Variants in GTF2IRD2B observed in about 807,000 individuals in gnomAD.
GTF2IRD2B encodes the protein GTF2I repeat domain containing 2B, also known as general transcription factor II-I repeat domain-containing protein 2B.
A neutral mutation model predicts 55.6 loss-of-function variants in GTF2IRD2B; 10 were observed. That is an observed-to-expected ratio of 0.18 (90% CI 0.11 to 0.31). The LOEUF (loss-of-function observed/expected upper bound fraction) is 0.31, where lower values mean the gene tolerates loss of function less well. Among genes scored for constraint, GTF2IRD2B ranks in the 10% least tolerant of loss-of-function variants. The probability of loss-of-function intolerance (pLI) is 1.00; values close to 1 mark genes in which losing one functional copy is unlikely to be tolerated. For missense variants in GTF2IRD2B, 206 were observed against 802.7 expected (o/e 0.26, Z 8.98); for synonymous variants, 107 against 320.5 (o/e 0.33, Z 7.12).
intron 3 of GTF2IRD2B, among the ~76,000 whole-genome samples, chr7:75,117,298 G>A (rs1206653110): frequency 4.6e-5 from 7 of 151,960 alleles, no homozygotes; most frequent in South Asian, 2.1e-4. Context: ...TTGGGAGTTC[G>A]AGACCAGCCT....
At chr7:75,101,437 T>C (rs781907077) in intron 1 of GTF2IRD2B, among the ~76,000 whole-genome samples, 4 of 150,180 alleles carry the variant, frequency 2.7e-5, no homozygotes, top group South Asian at 2.1e-4. Flanking sequence ...TCGTGGCACA[T>C]GCCTGTCATC....
chr7:75,130,091 C>CTCTTTCTTTCCTTCTT (rs1808617494), intron 8 of GTF2IRD2B, among the ~76,000 whole-genome samples: 4 of 77,602 alleles, frequency 5.2e-5, no homozygotes, highest in African/African-American at 1.9e-4. Flanking sequence ...AATTTATTTT[C>CTCTTTCTTTCCTTCTT]TCTTTCTTTC....
Position 75,123,124 on chromosome 7 carries a change from G to A in GTF2IRD2B, c.359-12G>A, listed in dbSNP as rs1255353375. The A allele has an allele frequency of 1.9e-5, 29 of 1,539,690 alleles. No homozygotes were observed. The highest frequency in any genetic ancestry group is 1.8e-4 in the Admixed American group (8 of 45,048). ...GTTCACACCATCCAAAGACGTTTGC[G>A]TCTTCTTGTAGGTAAAGCCTTAGGG... On this transcript the variant is annotated splice_polypyrimidine_tract_variant and intron_variant, in intron 4 of 15. Transcript: ENST00000472837.
chr7:75,123,801 C>A, intron 6 of GTF2IRD2B: 1 of 426,424 alleles, frequency 2.3e-6, no homozygotes, highest in South Asian at 2.0e-5. Flanking sequence ...TGGCGTGAAC[C>A]CGGGAGGTGG....
intron 4 of GTF2IRD2B, among the ~76,000 whole-genome samples, chr7:75,121,795 C>T (rs1424200361): frequency 1.5e-5 from 2 of 135,604 alleles, no homozygotes; most frequent in East Asian, 4.4e-4. Flanking sequence ...GAGTCTCGCT[C>T]TGTTGCCCGG....
intron 6 of GTF2IRD2B, chr7:75,123,933 C>T (rs118041833): frequency 0.06 from 19,379 of 321,730 alleles, 1,121 homozygotes; most frequent in South Asian, 0.076. Context: ...GAGGACGGGC[C>T]AATAGGTGCA....
At chr7:75,099,831 G>C (rs1487859422) in intron 1 of GTF2IRD2B, among the ~76,000 whole-genome samples, 1 of 135,860 alleles carries the variant, frequency 7.4e-6, no homozygotes, top group Middle Eastern at 3.8e-3. Flanking sequence ...AAGAATTTTC[G>C]GCCAGGCGTG....
intron 10 of GTF2IRD2B, among the ~76,000 whole-genome samples, chr7:75,135,367 C>G (rs1353197853): frequency 6.6e-6 from 1 of 151,836 alleles, no homozygotes; most frequent in Non-Finnish European, 1.5e-5. Context: ...CTCCTGACCT[C>G]AAGTGATCCG....
intron 6 of GTF2IRD2B, among the ~76,000 whole-genome samples, chr7:75,124,094 G>A (rs1201362961): frequency 2.6e-5 from 4 of 151,750 alleles, no homozygotes; most frequent in East Asian, 1.9e-4. Context: ...TTGGCCGGAC[G>A]CAGTGGCTCA....
Position 75,148,867 on chromosome 7 carries a change from C to G in GTF2IRD2B, c.2420C>G (p.Pro807Arg). The G allele has an allele frequency of 6.2e-7, 1 of 1,606,612 alleles. No individual in the cohort carries two copies. The highest frequency in any genetic ancestry group is 8.5e-7 in the Non-Finnish European group (1 of 1,173,340). ...HLTRNNLAHF[P>R]TLKLVSRNES... Reference sequence around the variant, plus strand: ...ACGAGGAATAATCTGGCCCACTTTCCCACCCTGAAATTGGTTTCCAGAAAT... The same window carrying G: ...ACGAGGAATAATCTGGCCCACTTTCGCACCCTGAAATTGGTTTCCAGAAAT... Residue 807 changes from proline (P) to arginine (R), a missense_variant, in exon 16 of 16, where the codon CCC (proline) becomes CGC (arginine). By Grantham distance (103) the Pro-to-Arg change is moderately radical (BLOSUM62 -2). Transcript: ENST00000472837.
intron 1 of GTF2IRD2B, 50 bp downstream of exon 1, chr7:75,092,815 C>CG (rs1339652322): frequency 1.3e-5 from 2 of 153,420 alleles, no homozygotes; most frequent in African/African-American, 2.4e-5. Context: ...CCATTAAGGG[C>CG]GGGTTGCCTT....
rs71554699 is a variant in GTF2IRD2B at position 75,148,419 on chromosome 7, G to T, written c.1972G>T (p.Glu658Ter). ...GTCCATCTGTTGTATAATTCATCCG[G>T]AATCACTCTGTGCTCAGAAGTTGAA... ...LKSICCIIHPESLCAQKLKMD... is the reference protein window; with the variant it reads ...LKSICCIIHP Residue 658 changes from glutamate to a stop codon, truncating the protein, a stop_gained, in exon 16 of 16, where the codon GAA becomes TAA. Transcript: ENST00000472837. LOFTEE classifies it high-confidence loss of function. 2 of 1,611,700 alleles carry T rather than the reference G, an allele frequency of 1.2e-6. No individual in the cohort carries two copies. Among genetic ancestry groups the T allele is most frequent in the African/African-American group, 1.3e-5 (1 of 74,692 alleles).
chr7:75,109,388 G>A (rs1300352524), intron 2 of GTF2IRD2B, among the ~76,000 whole-genome samples: 29 of 145,686 alleles, frequency 2.0e-4, no homozygotes, highest in Non-Finnish European at 3.8e-4. Context: ...GCCCAGGCTG[G>A]AGTGCAGTGG....
chr7:75,121,435 A>G (rs1808361333), intron 4 of GTF2IRD2B, among the ~76,000 whole-genome samples: 1 of 151,230 alleles, frequency 6.6e-6, no homozygotes, highest in Non-Finnish European at 1.5e-5. Flanking sequence ...CAAAACCCAT[A>G]TGCTTATCAA....
At chr7:75,105,002 A>G (rs1271529189) in intron 1 of GTF2IRD2B, among the ~76,000 whole-genome samples, 20 of 152,408 alleles carry the variant, frequency 1.3e-4, no homozygotes, top group African/African-American at 4.8e-4. Context: ...GTTGGAGACC[A>G]GTCTGGGCAA....
intron 3 of GTF2IRD2B, among the ~76,000 whole-genome samples, chr7:75,115,626 G>C (rs1440435505): frequency 7.5e-6 from 1 of 134,126 alleles, no homozygotes; most frequent in Admixed American, 7.9e-5. Context: ...TTTGAGATAG[G>C]GTTTCACCAT....
intron 1 of GTF2IRD2B, among the ~76,000 whole-genome samples, chr7:75,097,051 G>T (rs1807401633): frequency 1.7e-5 from 1 of 60,164 alleles, no homozygotes. Flanking sequence ...TACTTGGGAG[G>T]CTAAGGTGGG....
At chr7:75,124,382 AAAG>A (rs1274967322) in intron 6 of GTF2IRD2B, among the ~76,000 whole-genome samples, 2 of 151,824 alleles carry the variant, frequency 1.3e-5, no homozygotes, top group African/African-American at 4.8e-5. Flanking sequence ...ATAAATAAAT[AAAG>A]AAGAATAAAA....
chr7:75,124,030 TAAA>T (rs1327540449), intron 6 of GTF2IRD2B, among the ~76,000 whole-genome samples: 2 of 146,620 alleles, frequency 1.4e-5, no homozygotes, highest in African/African-American at 5.0e-5. Flanking sequence ...TTAGAAGAAA[TAAA>T]GAATATTTTT....
Sources: allele counts gnomAD v4.1 joint callset (sites outside exome capture counted in the v4.1 genomes callset), GRCh38; gene constraint gnomAD v4.1.1; transcripts MANE v1.5; gene names NCBI Gene and HGNC (gene_info 2026-07-23, HGNC 2026-07-21).